The following PDE4D variants were observed in gnomAD, a reference collection of about 807,000 sequenced individuals.
The protein encoded by PDE4D is 3',5'-cyclic-AMP phosphodiesterase 4D.
PDE4D carries 24 observed loss-of-function variants against 87.4 expected under a neutral mutation model. The ratio of observed to expected loss-of-function variants is 0.27; its 90% confidence interval spans 0.20 to 0.39. The LOEUF (loss-of-function observed/expected upper bound fraction) is 0.39. PDE4D is among the 10% of genes least tolerant of loss of function. The pLI is 1.00. For synonymous variants in PDE4D, 384 were observed against 383.2 expected, an observed-to-expected ratio of 1.00 and a Z score of -0.02; for missense variants, 714 against 1,041.0, an observed-to-expected ratio of 0.69 and a Z score of 4.32.
chr5:59,150,011 G>T (rs1464373763), intron 5 of PDE4D, among the ~76,000 whole-genome samples: 1 of 152,142 alleles, frequency 6.6e-6, no homozygotes, highest in Non-Finnish European at 1.5e-5. Flanking sequence ...TTTGGAAATG[G>T]AGCAGAAACT....
intron 1 of PDE4D, among the ~76,000 whole-genome samples, chr5:59,546,183 T>G (rs115133210): frequency 0.027 from 4,079 of 152,166 alleles, 184 homozygotes; most frequent in African/African-American, 0.093. Context: ...TAGGAGCTCA[T>G]AGAAATGTTA....
chr5:59,277,746 T>C (rs1176752325), intron 1 of PDE4D, among the ~76,000 whole-genome samples: 2 of 152,164 alleles, frequency 1.3e-5, no homozygotes, highest in Non-Finnish European at 2.9e-5. Flanking sequence ...AGATCCATGT[T>C]ACAATGAGCT....
intron 1 of PDE4D, among the ~76,000 whole-genome samples, chr5:60,331,772 G>T (rs184969206): frequency 3.4e-4 from 52 of 152,258 alleles, no homozygotes; most frequent in Middle Eastern, 3.4e-3. Context: ...AGGGCAGTAT[G>T]GTTTAGAAGT....
At chr5:60,304,990 AATATATAT>A (rs141960833) in intron 1 of PDE4D, among the ~76,000 whole-genome samples, 1 of 149,034 alleles carries the variant, frequency 6.7e-6, no homozygotes, top group Non-Finnish European at 1.5e-5. Flanking sequence ...AAAATTGAGT[AATATATAT>A]ATATATATTT....
intron 1 of PDE4D, among the ~76,000 whole-genome samples, chr5:59,588,809 A>G (rs576326798): frequency 2.0e-5 from 3 of 152,306 alleles, no homozygotes; most frequent in East Asian, 1.9e-4. Flanking sequence ...GATTTCCTGT[A>G]GCCTAGGCAG....
At chr5:60,127,350 G>A (rs963291151) in intron 2 of PDE4D, among the ~76,000 whole-genome samples, 1 of 152,174 alleles carries the variant, frequency 6.6e-6, no homozygotes, top group Non-Finnish European at 1.5e-5. Flanking sequence ...TGTGTGGTGA[G>A]TGATAAGGTT....
intron 1 of PDE4D, among the ~76,000 whole-genome samples, chr5:59,795,343 A>C (rs773660439): frequency 6.6e-6 from 1 of 152,132 alleles, no homozygotes; most frequent in Non-Finnish European, 1.5e-5. Flanking sequence ...GAATAAAGAG[A>C]TCTCAGAAGG....
intron 1 of PDE4D, among the ~76,000 whole-genome samples, chr5:59,294,641 A>G (rs1388284966): frequency 1.3e-5 from 2 of 152,188 alleles, no homozygotes; most frequent in Non-Finnish European, 2.9e-5. Flanking sequence ...TGGGAGAATT[A>G]CATTAAATAG....
chr5:59,092,121 A>C (rs916506637), intron 5 of PDE4D, among the ~76,000 whole-genome samples: 1 of 152,220 alleles, frequency 6.6e-6, no homozygotes, highest in Admixed American at 6.5e-5. Flanking sequence ...GCCATGTTTG[A>C]AACATAAACA....
intron 1 of PDE4D, among the ~76,000 whole-genome samples, chr5:60,444,934 G>A (rs1030036786): frequency 6.7e-5 from 10 of 148,676 alleles, no homozygotes; most frequent in South Asian, 2.1e-4. Flanking sequence ...AAAAATCACC[G>A]AAATGGTGTC....
intron 1 of PDE4D, chr5:59,587,349 AAT>A: frequency 1.5e-6 from 1 of 654,406 alleles, no homozygotes; most frequent in Non-Finnish European, 1.9e-6. Flanking sequence ...TTCCTCTCTC[AAT>A]CTCTTTTGTT....
chr5:60,074,913 G>A lies in PDE4D; in HGVS notation c.43-86196C>T, dbSNP rs184053273. On this transcript the variant is annotated intron_variant, in intron 2 of 16. Coordinates refer to the PDE4D transcript ENST00000502484. ...ATGGGTGTCACCGCATATGAGATGGGTCTCTTGAAGACAGCATACCATTGG... is the reference window on the plus strand; with the variant it reads ...ATGGGTGTCACCGCATATGAGATGGATCTCTTGAAGACAGCATACCATTGG... Among the ~76,000 whole-genome samples, 58 of 152,184 alleles carry A rather than the reference G, an allele frequency of 3.8e-4. 1 individual carries two copies. Among genetic ancestry groups the A allele is most frequent in the Middle Eastern group, 3.4e-3 (1 of 294 alleles).
intron 1 of PDE4D, among the ~76,000 whole-genome samples, chr5:60,411,315 A>C (rs1561222102): frequency 6.6e-6 from 1 of 152,244 alleles, no homozygotes; most frequent in Non-Finnish European, 1.5e-5. Flanking sequence ...ATGATGTTTA[A>C]AGGAAAAACG....
intron 3 of PDE4D, among the ~76,000 whole-genome samples, chr5:59,933,792 T>TATATA (rs1561879282): frequency 0.034 from 3,354 of 99,344 alleles, 145 homozygotes; most frequent in African/African-American, 0.15. Flanking sequence ...ATATATATAT[T>TATATA]AATAAGCATT....
chr5:59,038,573 A>G (rs1342548180), intron 6 of PDE4D, among the ~76,000 whole-genome samples: 1 of 152,096 alleles, frequency 6.6e-6, no homozygotes, highest in African/African-American at 2.4e-5. Flanking sequence ...ATGCCCATGG[A>G]CCCTACTGGG....
chr5:59,039,347 G>A, intron 5 of PDE4D: 2 of 1,036,874 alleles, frequency 1.9e-6, no homozygotes, highest in Non-Finnish European at 2.3e-6. Context: ...GCGAGGGGGT[G>A]GCGAGCGCGC....
intron 1 of PDE4D, among the ~76,000 whole-genome samples, chr5:59,758,022 A>C (rs958649722): frequency 1.5e-4 from 23 of 152,316 alleles, no homozygotes; most frequent in Non-Finnish European, 3.1e-4. Flanking sequence ...AAAATCTTTG[A>C]ATATTCATTG....
chr5:59,101,652 T>A (rs575294449), intron 5 of PDE4D, among the ~76,000 whole-genome samples: 114 of 152,054 alleles, frequency 7.5e-4, no homozygotes, highest in African/African-American at 2.7e-3. Context: ...ATTGAGAAAC[T>A]CTTGTCCTAA....
intron 1 of PDE4D, among the ~76,000 whole-genome samples, chr5:59,511,820 C>G (rs1276021475): frequency 1.3e-5 from 2 of 151,976 alleles, no homozygotes; most frequent in Non-Finnish European, 2.9e-5. Context: ...AAGAATAGGC[C>G]AAGTTACAGC....
Sources: gnomAD v4.1 joint callset for allele counts (sites outside exome capture counted in the v4.1 genomes callset) on GRCh38, gnomAD v4.1.1 for gene constraint, MANE v1.5 for transcripts, NCBI Gene and HGNC (gene_info 2026-07-23, HGNC 2026-07-21) for gene names.